Variants in SYNGR1 observed in about 807,000 individuals in gnomAD.
SYNGR1 encodes synaptogyrin 1.
SYNGR1 carries 14 observed loss-of-function variants against 26.1 expected under a neutral mutation model. The observed-to-expected ratio is 0.54, with a 90% CI of 0.35 to 0.84. The LOEUF is 0.84. SYNGR1 is among the 40% of genes least tolerant of loss of function. SYNGR1 has a pLI of 0.01. For synonymous variants in SYNGR1, 141 were observed against 150.1 expected (o/e 0.94, Z 0.44); for missense variants, 319 against 332.9 (o/e 0.96, Z 0.33).
In SYNGR1 at chr22:39,350,203, A is replaced by C; in HGVS notation, c.99+94A>C. On this transcript the variant is annotated intron_variant, in intron 1 of 3. Transcript: ENST00000328933. This position sits in a 1 kb window ranked among gnomAD's most constrained non-coding sequence, Gnocchi z 4.3. ...CGGACCGACCCCGACCCCGACCCCA[A>C]CGGGCCCCCGGCGGCGGCGCGGCGG... 44 of 789,846 alleles carry C rather than the reference A, an allele frequency of 5.6e-5. No homozygotes were observed. Among genetic ancestry groups the C allele is most frequent in the Non-Finnish European group, 6.5e-5 (40 of 612,634 alleles). The allele number at this position is 789,846 out of a possible 1,614,324, so 48.9% of individuals were successfully genotyped here.
intron 1 of SYNGR1, among the ~76,000 whole-genome samples, chr22:39,362,308 A>G (rs916216610): frequency 6.6e-6 from 1 of 152,036 alleles, no homozygotes; most frequent in African/African-American, 2.4e-5. Flanking sequence ...GGCCCTGCCC[A>G]GCGGAGTCCA....
chr22:39,364,757 G>A (rs950961870), intron 1 of SYNGR1, among the ~76,000 whole-genome samples: 3 of 152,184 alleles, frequency 2.0e-5, no homozygotes, highest in Non-Finnish European at 4.4e-5. Flanking sequence ...GGGGACAGAT[G>A]AGATCAGGGT....
chr22:39,361,798 G>C (rs867022635), intron 1 of SYNGR1, among the ~76,000 whole-genome samples: 2 of 152,084 alleles, frequency 1.3e-5, no homozygotes, highest in African/African-American at 2.4e-5. Context: ...GCAGTGTTTG[G>C]TTGGCATTTA....
At chr22:39,377,446 G>A (rs1362697104) in intron 3 of SYNGR1, 5 of 1,510,334 alleles carry the variant, frequency 3.3e-6, no homozygotes, top group Non-Finnish European at 4.4e-6. Flanking sequence ...GGAGTTTAGG[G>A]GCGGGGCTCA....
chr22:39,361,607 G>T (rs1379767743), intron 1 of SYNGR1, among the ~76,000 whole-genome samples: 1 of 151,748 alleles, frequency 6.6e-6, no homozygotes, highest in Non-Finnish European at 1.5e-5. Context: ...TCATCCACCC[G>T]CCTCTGCCTC....
chr22:39,376,316 G>T, intron 3 of SYNGR1, 119 bp downstream of exon 3: 1 of 1,530,420 alleles, frequency 6.5e-7, no homozygotes, highest in Non-Finnish European at 9.0e-7. Context: ...CACTACCCTC[G>T]CTCCCTCTTC....
chr22:39,376,676 G>A (rs1473038477), intron 3 of SYNGR1, among the ~76,000 whole-genome samples: 2 of 152,160 alleles, frequency 1.3e-5, no homozygotes, highest in African/African-American at 2.4e-5. Context: ...AGGATCTGGG[G>A]GACACAGGTG....
At position 39,360,588 on chromosome 22, in the gene SYNGR1, G is replaced by A. The variant is rs144712683; in HGVS notation, c.99+10479G>A. On this transcript the variant is annotated intron_variant, in intron 1 of 3. Coordinates refer to ENST00000328933, the MANE Select transcript of SYNGR1 (RefSeq NM_004711.5). ...TGTGGACGCCCTCACCCCGCTCGCC[G>A]CAGAATGTGGACACCCTCACCCCGC... 5.8e-4 allele frequency among the ~76,000 whole-genome samples: 88 copies of A among 152,130 alleles called. 1 individual carries two copies. In the East Asian group the frequency reaches 0.016, roughly 28 times the overall value.
At chr22:39,364,409 A>C in intron 1 of SYNGR1, 1 of 1,544,140 alleles carries the variant, frequency 6.5e-7, no homozygotes, top group Non-Finnish European at 8.9e-7. Context: ...TGATTTGCAG[A>C]TTTTTATGGG....
chr22:39,362,895 T>C (rs1439417693), intron 1 of SYNGR1, among the ~76,000 whole-genome samples: 1 of 152,094 alleles, frequency 6.6e-6, no homozygotes, highest in Non-Finnish European at 1.5e-5. Context: ...CCTGACCCTC[T>C]CCCTGGGTCT....
intron 1 of SYNGR1, among the ~76,000 whole-genome samples, chr22:39,367,593 C>T (rs1924822885): frequency 1.3e-5 from 2 of 152,080 alleles, no homozygotes; most frequent in South Asian, 4.1e-4. Flanking sequence ...GAGGCCGAGG[C>T]GGGCAAATCA....
At position 39,374,382 on chromosome 22, in the gene SYNGR1, G is replaced by A. The variant is rs768902694; in HGVS notation, c.166G>A (p.Glu56Lys). Residue 56 changes from glutamate (E) to lysine (K), a missense_variant, in exon 2 of 4, where the codon GAG becomes AAG. Physicochemically the swap from Glu to Lys is moderately conservative, Grantham distance 56. Transcript: ENST00000328933. ...EGYLNSASEG[E>K]EFCIYNRNPN... is the part of the protein sequence containing the mutation. ...CTACCTCAACAGCGCCTCCGAGGGG[G>A]AGGAGTTCTGCATCTACAACCGCAA... 6.2e-7 allele frequency: 1 copy of A among 1,614,074 alleles called. No homozygotes were observed. The highest frequency in any genetic ancestry group is 1.7e-5 in the Admixed American group (1 of 60,024).
intron 1 of SYNGR1, among the ~76,000 whole-genome samples, chr22:39,369,833 C>G (rs1301586482): frequency 6.6e-6 from 1 of 152,212 alleles, no homozygotes. Context: ...TCAGGACTGG[C>G]AAATGGTGGC....
At chr22:39,371,729 C>G (rs567226555) in intron 1 of SYNGR1, among the ~76,000 whole-genome samples, 1 of 152,114 alleles carries the variant, frequency 6.6e-6, no homozygotes, top group African/African-American at 2.4e-5. Flanking sequence ...AAGTGATCCT[C>G]CTTTCTCAGC....
chr22:39,355,902 C>T (rs995679098), intron 1 of SYNGR1, among the ~76,000 whole-genome samples: 1 of 152,096 alleles, frequency 6.6e-6, no homozygotes, highest in South Asian at 2.1e-4. Context: ...GTCTGTAGTC[C>T]CAGCTACTTG....
intron 1 of SYNGR1, among the ~76,000 whole-genome samples, chr22:39,368,558 C>G (rs1924878033): frequency 6.6e-6 from 1 of 152,346 alleles, no homozygotes; most frequent in South Asian, 2.1e-4. Flanking sequence ...TCTGTTCTTG[C>G]TCTGCACCCT....
At chr22:39,360,244 A>G (rs866391161) in intron 1 of SYNGR1, among the ~76,000 whole-genome samples, 1 of 151,430 alleles carries the variant, frequency 6.6e-6, no homozygotes, top group Non-Finnish European at 1.5e-5. Context: ...TCTCTCCTCC[A>G]CCCTCAGTTT....
chr22:39,358,872 T>G (rs1924317093), intron 1 of SYNGR1, among the ~76,000 whole-genome samples: 1 of 152,224 alleles, frequency 6.6e-6, no homozygotes, highest in African/African-American at 2.4e-5. Context: ...CCTTCACAGA[T>G]AGAGTTTTGC....
chr22:39,378,122 A>C, intron 3 of SYNGR1: 2 of 1,165,072 alleles, frequency 1.7e-6, no homozygotes, highest in Non-Finnish European at 2.1e-6. Flanking sequence ...CTCTCCCTTC[A>C]CAGCGGTGTG....
Sources: allele counts gnomAD v4.1 joint callset (sites outside exome capture counted in the v4.1 genomes callset), GRCh38; gene constraint gnomAD v4.1.1; non-coding constraint Gnocchi (gnomAD v3.1); transcripts MANE v1.5; gene names NCBI Gene and HGNC (gene_info 2026-07-23, HGNC 2026-07-21).